Variants in FAM78B observed in about 807,000 individuals in gnomAD.
The protein encoded by FAM78B is family with sequence similarity 78 member B.
FAM78B carries 10 observed loss-of-function variants against 20.0 expected under a neutral mutation model. The ratio of observed to expected loss-of-function variants is 0.50; its 90% CI spans 0.31 to 0.85. The LOEUF (loss-of-function observed/expected upper bound fraction) is 0.85, where lower values mean the gene tolerates loss of function less well. Ranked by LOEUF, FAM78B falls within the 40% of genes least tolerant of loss-of-function variation. The pLI is 0.05. For synonymous variants in FAM78B, 135 were observed against 132.8 expected (o/e 1.02, Z -0.12); for missense variants, 283 against 345.0 (o/e 0.82, Z 1.42).
intron 1 of FAM78B, among the ~76,000 whole-genome samples, chr1:166,099,550 T>TA (rs1300023205): frequency 6.6e-6 from 1 of 152,154 alleles, no homozygotes; most frequent in Non-Finnish European, 1.5e-5. Flanking sequence ...TAAAGACTCA[T>TA]ATAAAGTTAA....
At chr1:166,074,811 C>T (rs1369108965) in intron 1 of FAM78B, among the ~76,000 whole-genome samples, 1 of 152,132 alleles carries the variant, frequency 6.6e-6, no homozygotes, top group African/African-American at 2.4e-5. Flanking sequence ...AGTGACTACT[C>T]GTGCCATCAT....
intron 1 of FAM78B, among the ~76,000 whole-genome samples, chr1:166,136,224 A>C (rs990920246): frequency 6.6e-6 from 1 of 152,192 alleles, no homozygotes; most frequent in Non-Finnish European, 1.5e-5. Flanking sequence ...TGATGCATGG[A>C]GGGTGTCAGA....
intron 1 of FAM78B, among the ~76,000 whole-genome samples, chr1:166,131,360 T>C (rs1420589012): frequency 6.6e-6 from 1 of 152,090 alleles, no homozygotes; most frequent in Non-Finnish European, 1.5e-5. Flanking sequence ...AGAGGCAATG[T>C]CAGAAGCCCA....
At chr1:166,106,831 T>C (rs951131596) in intron 1 of FAM78B, among the ~76,000 whole-genome samples, 3 of 151,992 alleles carry the variant, frequency 2.0e-5, no homozygotes, top group Non-Finnish European at 4.4e-5. Flanking sequence ...CATTACACAA[T>C]ATACCATGTA....
intron 2 of FAM78B, among the ~76,000 whole-genome samples, chr1:166,062,610 G>A (rs1651639000): frequency 6.6e-6 from 1 of 152,244 alleles, no homozygotes; most frequent in South Asian, 2.1e-4. Flanking sequence ...CGTGTACAAA[G>A]AAATGGGTGG....
chr1:166,162,746 C>T (rs1656196490), intron 1 of FAM78B, among the ~76,000 whole-genome samples: 1 of 152,162 alleles, frequency 6.6e-6, no homozygotes. Flanking sequence ...TGGGCCCACC[C>T]AACAGACCCC....
intron 1 of FAM78B, among the ~76,000 whole-genome samples, chr1:166,110,662 G>A (rs1654016635): frequency 6.6e-6 from 1 of 152,072 alleles, no homozygotes. Context: ...ATCCAGCTTT[G>A]AATGGAGCCA....
intron 1 of FAM78B, among the ~76,000 whole-genome samples, chr1:166,162,311 G>C (rs1214798007): frequency 1.3e-5 from 2 of 152,202 alleles, no homozygotes; most frequent in Non-Finnish European, 2.9e-5. Flanking sequence ...GGCAGGACCT[G>C]TCTCTTGAAG....
intron 1 of FAM78B, among the ~76,000 whole-genome samples, chr1:166,099,379 G>A (rs1653413157): frequency 6.6e-6 from 1 of 152,142 alleles, no homozygotes. Flanking sequence ...GAAGTACACA[G>A]GCAACAAAGA....
intron 1 of FAM78B, among the ~76,000 whole-genome samples, chr1:166,151,323 A>G (rs1440353537): frequency 6.6e-6 from 1 of 152,254 alleles, no homozygotes; most frequent in African/African-American, 2.4e-5. Flanking sequence ...TGAGGATGGC[A>G]TGAAAACATT....
chr1:166,065,117 C>T (rs1651750876), downstream of FAM78B, among the ~76,000 whole-genome samples: 2 of 152,238 alleles, frequency 1.3e-5, no homozygotes, highest in Admixed American at 1.3e-4. Context: ...TCAATTAGGG[C>T]ACTCTTTCCT....
chr1:166,162,886 T>C (rs1656202869), intron 1 of FAM78B, among the ~76,000 whole-genome samples: 1 of 152,190 alleles, frequency 6.6e-6, no homozygotes, highest in Non-Finnish European at 1.5e-5. Flanking sequence ...CCTTTGGAAT[T>C]AGTCCCTCCT....
intron 1 of FAM78B, among the ~76,000 whole-genome samples, chr1:166,109,815 T>TATATATATGTATATAC (rs1653930678): frequency 5.4e-5 from 1 of 18,524 alleles, no homozygotes; most frequent in Non-Finnish European, 1.0e-4. Flanking sequence ...TGTATATATG[T>TATATATATGTATATAC]ATATATATAT....
At chr1:166,107,997 T>C (rs1162483416) in intron 1 of FAM78B, among the ~76,000 whole-genome samples, 1 of 152,082 alleles carries the variant, frequency 6.6e-6, no homozygotes, top group Non-Finnish European at 1.5e-5. Context: ...CATACCTTAA[T>C]GTAATAAAAA....
intron 1 of FAM78B, among the ~76,000 whole-genome samples, chr1:166,074,406 C>T (rs1025790892): frequency 1.3e-5 from 2 of 152,098 alleles, no homozygotes; most frequent in African/African-American, 2.4e-5. Flanking sequence ...TCTACAACTA[C>T]AGGTGTCAGA....
At chr1:166,082,220 C>G (rs1364043657) in intron 1 of FAM78B, among the ~76,000 whole-genome samples, 3 of 152,192 alleles carry the variant, frequency 2.0e-5, no homozygotes, top group South Asian at 2.1e-4. Context: ...ATCCTCACCC[C>G]CTCCCTTCTG....
At chr1:166,109,460 T>C (rs1310731091) in intron 1 of FAM78B, among the ~76,000 whole-genome samples, 1 of 152,064 alleles carries the variant, frequency 6.6e-6, no homozygotes, top group African/African-American at 2.4e-5. Flanking sequence ...CACAATGTGG[T>C]ATCACCTCAC....
At chr1:166,109,566 G>A (rs112634257) in intron 1 of FAM78B, among the ~76,000 whole-genome samples, 22,725 of 151,498 alleles carry the variant, frequency 0.15, 1,992 homozygotes, top group East Asian at 0.27. Flanking sequence ...TGTTGGGAAT[G>A]TAAACTAGTA....
intron 1 of FAM78B, chr1:166,087,279 G>A (rs542754901): frequency 6.6e-6 from 1 of 152,164 alleles, no homozygotes; most frequent in Admixed American, 6.5e-5. Context: ...TGTCCAGGCT[G>A]GTCTTGAACT....
Sources: allele counts gnomAD v4.1 joint callset (sites outside exome capture counted in the v4.1 genomes callset), GRCh38; gene constraint gnomAD v4.1.1; transcripts MANE v1.5; gene names NCBI Gene and HGNC (gene_info 2026-07-23, HGNC 2026-07-21).